The following MYOM2 variants were observed in gnomAD, a reference collection of about 807,000 sequenced individuals.
MYOM2 encodes myomesin 2, also known as myomesin-2.
In MYOM2, 254 loss-of-function variants were observed where a neutral mutation model predicts 187.6. The observed-to-expected ratio is 1.35, with a 90% CI of 1.22 to 1.50. The LOEUF (loss-of-function observed/expected upper bound fraction) is 1.50, where lower values mean the gene tolerates loss of function less well. MYOM2 is among the 40% of genes most tolerant of loss of function. The pLI is 0.00. For synonymous variants in MYOM2, 981 were observed against 753.8 expected, an observed-to-expected ratio of 1.30 and a Z score of -4.94; for missense variants, 2,796 against 1,924.0, an observed-to-expected ratio of 1.45 and a Z score of -8.48.
At chr8:2,121,038 C>T (rs1797436151) in intron 28 of MYOM2, among the ~76,000 whole-genome samples, 1 of 151,976 alleles carries the variant, frequency 6.6e-6, no homozygotes, top group Non-Finnish European at 1.5e-5. Flanking sequence ...AAGTCTTGCT[C>T]AACAAATGAA....
At chr8:2,070,025 C>A (rs1258401702) in intron 8 of MYOM2, among the ~76,000 whole-genome samples, 3 of 152,188 alleles carry the variant, frequency 2.0e-5, no homozygotes, top group Non-Finnish European at 4.4e-5. Context: ...AGGCCTAGGA[C>A]CTGCCCTGGC....
At chr8:2,103,186 G>A (rs1384875422) in intron 21 of MYOM2, among the ~76,000 whole-genome samples, 1 of 151,630 alleles carries the variant, frequency 6.6e-6, no homozygotes. Context: ...TGGATGGACG[G>A]GTGTGTGGAT....
chr8:2,104,533 A>T (rs1202674879), intron 21 of MYOM2, among the ~76,000 whole-genome samples: 4 of 151,698 alleles, frequency 2.6e-5, no homozygotes, highest in African/African-American at 9.7e-5. Flanking sequence ...TGAACCTGGG[A>T]GGCGGAGGTT....
rs561062209 is a variant in MYOM2 at position 2,095,522 on chromosome 8, G to C, written c.2126-725G>C. On this transcript the variant is annotated intron_variant, in intron 17 of 36. Coordinates refer to ENST00000262113, the MANE Select transcript of MYOM2 (RefSeq NM_003970.4). ...GCCCAGGCTGATCTCAAACTCAGGA[G>C]CTTAAGCAATCCTCCTGCCTCGGTC... Among the ~76,000 whole-genome samples, 402 of 152,152 alleles carry C rather than the reference G, an allele frequency of 2.6e-3. 1 individual carries two copies. The highest frequency in any genetic ancestry group is 9.5e-3 in the African/African-American group (394 of 41,526).
chr8:2,046,689 A>T (rs904878809), intron 1 of MYOM2, among the ~76,000 whole-genome samples: 37 of 150,854 alleles, frequency 2.5e-4, no homozygotes, highest in African/African-American at 9.0e-4. Context: ...AGCCCCAGGG[A>T]CTCACATCAA....
At chr8:2,144,498 T>C (rs1798386191) in intron 36 of MYOM2, among the ~76,000 whole-genome samples, 166 bp from the exon 37 acceptor site, 1 of 152,234 alleles carries the variant, frequency 6.6e-6, no homozygotes, top group African/African-American at 2.4e-5. Flanking sequence ...GTCCTCTGCC[T>C]GCTCTGTCCA....
rs141915350 is a variant in MYOM2 at position 2,094,637 on chromosome 8, G to A, written c.2125+546G>A. Among the ~76,000 whole-genome samples the A allele has an allele frequency of 6.6e-5, 10 of 152,276 alleles. No homozygotes were observed. In the East Asian group the frequency reaches 1.9e-3, roughly 29 times the overall value. ...CTGTACTCCAGCCTGGGGGGACAGA[G>A]CAAGACTCCGTCTCAAAAATATATA... On this transcript the variant is annotated intron_variant, in intron 17 of 36. Transcript: ENST00000262113.
chr8:2,135,224 A>G (rs180936590), intron 32 of MYOM2, among the ~76,000 whole-genome samples: 7 of 152,330 alleles, frequency 4.6e-5, no homozygotes, highest in African/African-American at 1.7e-4. Context: ...ACAAATGTGC[A>G]TACTAGAGTT....
At chr8:2,098,370 G>GC (rs1796567341) in intron 18 of MYOM2, among the ~76,000 whole-genome samples, 3 of 152,110 alleles carry the variant, frequency 2.0e-5, no homozygotes, top group African/African-American at 7.2e-5. Flanking sequence ...AGGGACATGG[G>GC]CAGCCCGGGG....
intron 20 of MYOM2, among the ~76,000 whole-genome samples, chr8:2,101,516 G>A (rs2116780058): frequency 6.6e-6 from 1 of 152,358 alleles, no homozygotes; most frequent in African/African-American, 2.4e-5. Context: ...CGTGGCTGCT[G>A]AGGATGCAGC....
At chr8:2,055,521 G>A (rs1430211499) in intron 3 of MYOM2, among the ~76,000 whole-genome samples, 1 of 151,944 alleles carries the variant, frequency 6.6e-6, no homozygotes, top group Non-Finnish European at 1.5e-5. Flanking sequence ...TCGGAGCGGG[G>A]ACAGGGAGGT....
At position 2,092,858 on chromosome 8, in the gene MYOM2, TC is replaced by T. The variant is rs1283637247; in HGVS notation, c.2003+339del. Among the ~76,000 whole-genome samples the T allele has an allele frequency of 2.0e-5, 3 of 152,338 alleles. No individual in the cohort carries two copies. The East Asian group carries it at 5.8e-4, about 29-fold the overall frequency. On this transcript the variant is annotated intron_variant, in intron 16 of 36. Transcript: ENST00000262113. ...CGATGTGAAAGTCGTTTTATTTTTT[TC>T]GTATTGATTTTTTTGAACTTGAAAG...
At position 2,144,837 on chromosome 8, in the gene MYOM2, C is replaced by G; in HGVS notation, c.4254C>G (p.Ile1418Met). The change falls in exon 37 of 37, where the codon ATC becomes ATG. Residue 1418 changes from isoleucine (I) to methionine (M), a missense_variant. Physicochemically the swap from Ile to Met is conservative, Grantham distance 10. Coordinates refer to ENST00000262113, the MANE Select transcript of MYOM2 (RefSeq NM_003970.4). Reference sequence around the variant, plus strand: ...CCGAGGACTCGGGCAAGTACAGCATCAACATCAAGAATAAGTATGGCGGGG... The same window carrying G: ...CCGAGGACTCGGGCAAGTACAGCATGAACATCAAGAATAAGTATGGCGGGG... Reference protein sequence around the residue: ...VTSEDSGKYSINIKNKYGGEK... With the variant: ...VTSEDSGKYSMNIKNKYGGEK... 1 of 1,614,174 alleles carries G rather than the reference C, an allele frequency of 6.2e-7. No individual in the cohort carries two copies. Among genetic ancestry groups the G allele is most frequent in the South Asian group, 1.1e-5 (1 of 91,076 alleles).
intron 33 of MYOM2, 112 bp from the exon 34 acceptor site, chr8:2,141,029 C>T: frequency 1.5e-6 from 2 of 1,318,960 alleles, no homozygotes; most frequent in Non-Finnish European, 2.0e-6. Context: ...TAAATTTATT[C>T]TTTTTTTATA....
chr8:2,134,875 A>C (rs1378774793), intron 32 of MYOM2, among the ~76,000 whole-genome samples: 1 of 151,984 alleles, frequency 6.6e-6, no homozygotes, highest in East Asian at 1.9e-4. Context: ...CAATCCCAGA[A>C]GTCCTGGCTC....
intron 3 of MYOM2, 65 bp from the exon 4 acceptor site, chr8:2,057,283 C>T (rs1818696976): frequency 6.5e-7 from 1 of 1,539,372 alleles, no homozygotes; most frequent in Non-Finnish European, 8.7e-7. Flanking sequence ...CCCTTTCCGG[C>T]CTTCGGGGGC....
intron 21 of MYOM2, among the ~76,000 whole-genome samples, chr8:2,104,560 G>A (rs1014848885): frequency 3.3e-5 from 5 of 151,658 alleles, no homozygotes; most frequent in Admixed American, 6.6e-5. Context: ...AGCCGAGATC[G>A]CGCCACTGCA....
chr8:2,077,099 C>G (rs1343943270), intron 11 of MYOM2, among the ~76,000 whole-genome samples: 1 of 152,104 alleles, frequency 6.6e-6, no homozygotes, highest in Non-Finnish European at 1.5e-5. Context: ...ATTACAAGTT[C>G]AGGAGATCAA....
intron 33 of MYOM2, 25 bp downstream of exon 33, chr8:2,140,911 T>C (rs772930765): frequency 1.3e-6 from 2 of 1,579,730 alleles, no homozygotes; most frequent in Admixed American, 3.5e-5. Context: ...CTTTAGCATT[T>C]AATAATTTCC....
Sources: gnomAD v4.1 joint callset for allele counts (sites outside exome capture counted in the v4.1 genomes callset) on GRCh38, gnomAD v4.1.1 for gene constraint, MANE v1.5 for transcripts, NCBI Gene and HGNC (gene_info 2026-07-23, HGNC 2026-07-21) for gene names.